FARP2: variants seen among roughly 807,000 people sequenced by gnomAD.
FARP2 encodes the protein FERM, ARH/RhoGEF and pleckstrin domain protein 2, also known as FERM, ARHGEF and pleckstrin domain-containing protein 2.
Under a neutral mutation model 130.5 loss-of-function variants are expected in FARP2, and 111 were observed. The ratio of observed to expected loss-of-function variants is 0.85; its 90% CI spans 0.73 to 1.00. The LOEUF (loss-of-function observed/expected upper bound fraction) is 1.00. Ranked by LOEUF, FARP2 falls within the 50% of genes least tolerant of loss-of-function variation. FARP2 has a pLI of 0.00. For missense variants in FARP2, 1,385 were observed against 1,346.3 expected (o/e 1.03, Z -0.45); for synonymous variants, 504 against 516.9 (o/e 0.98, Z 0.34).
chr2:241,361,998 G>A lies in FARP2; in HGVS notation c.-25+5610G>A, dbSNP rs180800787. Among the ~76,000 whole-genome samples the A allele has an allele frequency of 2.8e-3, 428 of 151,812 alleles. 5 individuals are homozygous for A. The highest frequency in any genetic ancestry group is 3.0e-3 in the Admixed American group (46 of 15,252). On this transcript the variant is annotated intron_variant, in intron 1 of 26. Transcript: ENST00000264042. ...CAACCTCCGCCTCCCACATTCAAGCGATTCTCCTGCCTCAGTCTCCCAAGT... is the reference window on the plus strand; with the variant it reads ...CAACCTCCGCCTCCCACATTCAAGCAATTCTCCTGCCTCAGTCTCCCAAGT...
intron 2 of FARP2, among the ~76,000 whole-genome samples, chr2:241,375,725 G>C (rs566518645): frequency 2.6e-5 from 4 of 152,102 alleles, no homozygotes; most frequent in Admixed American, 2.6e-4. Context: ...AAAGAAAATG[G>C]TCTTGCATAT....
chr2:241,470,164 C>A (rs2064270236), intron 18 of FARP2, among the ~76,000 whole-genome samples: 1 of 152,234 alleles, frequency 6.6e-6, no homozygotes, highest in South Asian at 2.1e-4. Flanking sequence ...TTCCTGAGAA[C>A]TTGAATAGAA....
intron 20 of FARP2, 88 bp downstream of exon 20, chr2:241,483,621 A>G (rs1346124426): frequency 5.6e-6 from 8 of 1,427,110 alleles, no homozygotes; most frequent in Admixed American, 1.7e-5. Context: ...GCGGCAGCCC[A>G]TTGGCCTCTG....
chr2:241,483,599 A>G (rs2064679922), intron 20 of FARP2, 66 bp downstream of exon 20: 3 of 1,517,738 alleles, frequency 2.0e-6, no homozygotes, highest in South Asian at 2.2e-5. Flanking sequence ...TCTGTTAGGG[A>G]CATCGCCTGC....
intron 19 of FARP2, among the ~76,000 whole-genome samples, chr2:241,480,846 C>A (rs1469951349): frequency 2.0e-5 from 3 of 151,954 alleles, no homozygotes; most frequent in Non-Finnish European, 2.9e-5. Flanking sequence ...AGGTAGGAGT[C>A]CAACTTCATT....
chr2:241,490,957 C>CAGAA, intron 22 of FARP2, 104 bp from the exon 23 acceptor site: 1 of 836,084 alleles, frequency 1.2e-6, no homozygotes, highest in Non-Finnish European at 2.1e-6. Flanking sequence ...CAGGACAAAG[C>CAGAA]AGAATGTGAG....
Position 241,483,529 on chromosome 2 carries a change from T to C in FARP2, c.2327T>C (p.Phe776Ser), listed in dbSNP as rs1326077298. 1.2e-6 allele frequency: 2 copies of C among 1,613,824 alleles called. No individual in the cohort carries two copies. Among genetic ancestry groups the C allele is most frequent in the Non-Finnish European group, 1.7e-6 (2 of 1,179,778 alleles). ...TKKGLQQRMF[F>S]LFSDMLLYTS... ...AAGGGCCTGCAGCAGAGGATGTTTT[T>C]TCTGGTAGGTTCTCTCCCCACTCAA... is the stretch of plus-strand genomic sequence containing the variant. Residue 776 changes from phenylalanine (F) to serine (S), a missense_variant, in exon 20 of 27, where the codon TTT becomes TCT. By Grantham distance (155) the Phe-to-Ser change is radical. Transcript: ENST00000264042.
intron 14 of FARP2, among the ~76,000 whole-genome samples, chr2:241,462,170 T>C (rs987591395): frequency 1.1e-4 from 17 of 152,232 alleles, no homozygotes; most frequent in African/African-American, 4.1e-4. Context: ...TTAATGACTT[T>C]TGTATGGGTT....
chr2:241,415,463 A>C (rs541042499), intron 7 of FARP2, among the ~76,000 whole-genome samples: 1 of 152,110 alleles, frequency 6.6e-6, no homozygotes, highest in African/African-American at 2.4e-5. Context: ...AGGAAGGGAG[A>C]ATTGGGCATT....
intron 19 of FARP2, among the ~76,000 whole-genome samples, chr2:241,480,828 A>G (rs1014859218): frequency 6.6e-5 from 10 of 152,066 alleles, no homozygotes; most frequent in Non-Finnish European, 1.3e-4. Flanking sequence ...GTTTTTGTGT[A>G]TAGTGGAAGG....
intron 8 of FARP2, 80 bp downstream of exon 8, chr2:241,418,189 G>A (rs2062725769): frequency 1.3e-6 from 2 of 1,498,194 alleles, no homozygotes; most frequent in Non-Finnish European, 1.8e-6. Context: ...TCTTATAGAT[G>A]TTAGTAAATA....
intron 8 of FARP2, among the ~76,000 whole-genome samples, chr2:241,418,856 C>G (rs532484609): frequency 6.6e-6 from 1 of 152,288 alleles, no homozygotes; most frequent in East Asian, 1.9e-4. Flanking sequence ...TCCCCTCGCA[C>G]CCAGGCTAAA....
chr2:241,423,517 A>G (rs2062860277), intron 8 of FARP2, among the ~76,000 whole-genome samples: 1 of 152,224 alleles, frequency 6.6e-6, no homozygotes, highest in African/African-American at 2.4e-5. Flanking sequence ...ACACTGAAAT[A>G]CATAGACCAG....
At chr2:241,403,200 C>G (rs912058945) in intron 2 of FARP2, among the ~76,000 whole-genome samples, 58 of 151,568 alleles carry the variant, frequency 3.8e-4, no homozygotes, top group Non-Finnish European at 1.5e-5. Flanking sequence ...AAGACTTTAG[C>G]TTTTTAGTAA....
At chr2:241,407,416 T>C (rs554713681) in intron 4 of FARP2, 121 bp from the exon 5 acceptor site, 1 of 736,340 alleles carries the variant, frequency 1.4e-6, no homozygotes, top group African/African-American at 1.8e-5. Flanking sequence ...ATCATATTAT[T>C]TGAAAAGATT....
At position 241,492,951 on chromosome 2, in the gene FARP2, T is replaced by TAA. The variant is rs1370294838; in HGVS notation, c.2811_2812dup (p.Arg938LysfsTer44). On this transcript the variant is annotated frameshift_variant, in exon 25 of 27. Coordinates refer to ENST00000264042, the MANE Select transcript of FARP2 (RefSeq NM_014808.4). LOFTEE classifies it high-confidence loss of function. ...CAGAACCAGCTTTCAGGATATCTGCTAAGAAAGTTCAAAAACAGTCATGGC... is the reference window on the plus strand; with the variant it reads ...CAGAACCAGCTTTCAGGATATCTGCTAAAAGAAAGTTCAAAAACAGTCATGGC... 1 of 1,610,752 alleles carries TAA rather than the reference T, an allele frequency of 6.2e-7. No individual in the cohort carries two copies. The highest frequency in any genetic ancestry group is 1.3e-5 in the African/African-American group (1 of 74,880).
Position 241,468,382 on chromosome 2 carries a change from G to A in FARP2, c.2131+5G>A. 6.2e-7 allele frequency: 1 copy of A among 1,603,598 alleles called. No homozygotes were observed. Reference sequence around the variant, plus strand: ...ATGACTACGCTGACTGCCATGGTGAGTGTGGGTGCGGCCCTGCATCTCAAG... The same window carrying A: ...ATGACTACGCTGACTGCCATGGTGAATGTGGGTGCGGCCCTGCATCTCAAG... On this transcript the variant is annotated splice_donor_5th_base_variant and intron_variant, in intron 18 of 26. Transcript: ENST00000264042.
In FARP2 at chr2:241,483,552, C is replaced by T. The variant is rs1225784455; in HGVS notation, c.2331+19C>T. The T allele has an allele frequency of 1.9e-6, 3 of 1,610,656 alleles. No individual in the cohort carries two copies. Among genetic ancestry groups the T allele is most frequent in the Non-Finnish European group, 1.7e-6 (2 of 1,176,890 alleles). Reference sequence around the variant, plus strand: ...TTTTCTGGTAGGTTCTCTCCCCACTCAAGCTGTGCTTCCCCCCGAGGGGGA... The same window carrying T: ...TTTTCTGGTAGGTTCTCTCCCCACTTAAGCTGTGCTTCCCCCCGAGGGGGA... On this transcript the variant is annotated intron_variant, in intron 20 of 26. Transcript: ENST00000264042.
chr2:241,446,572 G>A (rs1206794360), intron 13 of FARP2: 1 of 152,186 alleles, frequency 6.6e-6, no homozygotes, highest in African/African-American at 2.4e-5. Flanking sequence ...GTTCCCAGCT[G>A]TTGTGTGTTT....
Sources: gnomAD v4.1 joint callset for allele counts (sites outside exome capture counted in the v4.1 genomes callset) on GRCh38, gnomAD v4.1.1 for gene constraint, MANE v1.5 for transcripts, NCBI Gene and HGNC (gene_info 2026-07-23, HGNC 2026-07-21) for gene names.